The following ERH variants were observed in gnomAD, a reference collection of about 807,000 sequenced individuals.
ERH encodes the protein enhancer of rudimentary homolog.
In ERH, 1 loss-of-function variant was observed where a neutral mutation model predicts 16.8. The ratio of observed to expected loss-of-function variants is 0.06; its 90% CI spans 0.02 to 0.28. The LOEUF (loss-of-function observed/expected upper bound fraction) is 0.28. ERH is among the 10% of genes least tolerant of loss of function. The probability of loss-of-function intolerance (pLI) is 1.00; values close to 1 mark genes in which losing one functional copy is unlikely to be tolerated. For missense variants in ERH, 42 were observed against 127.5 expected (o/e 0.33, Z 3.23); for synonymous variants, 43 against 43.6 (o/e 0.99, Z 0.05).
intron 2 of ERH, among the ~76,000 whole-genome samples, chr14:69,389,705 C>T (rs2045913659): frequency 6.6e-6 from 1 of 152,104 alleles, no homozygotes; most frequent in South Asian, 2.1e-4. Flanking sequence ...GAATAAAATT[C>T]TTAGAAATAA....
chr14:69,390,174 T>C (rs1050821386), intron 2 of ERH, among the ~76,000 whole-genome samples: 2 of 152,088 alleles, frequency 1.3e-5, no homozygotes, highest in African/African-American at 2.4e-5. Flanking sequence ...GCAATTCCCA[T>C]AAAAATCCAA....
chr14:69,388,886 C>G (rs2045907910), intron 2 of ERH, among the ~76,000 whole-genome samples: 1 of 152,134 alleles, frequency 6.6e-6, no homozygotes, highest in Admixed American at 6.5e-5. Flanking sequence ...TATTAAACAA[C>G]TATCTTAGGG....
At position 69,387,495 on chromosome 14, in the gene ERH, G is replaced by C. The variant is rs190999824; in HGVS notation, c.92-412C>G. Among the ~76,000 whole-genome samples, 449 of 152,264 alleles carry C rather than the reference G, an allele frequency of 2.9e-3. 10 individuals carry two copies. Among genetic ancestry groups the C allele is most frequent in the Admixed American group, 0.025 (376 of 15,296 alleles). Reference sequence around the variant, plus strand: ...GAATCACTTGGCTGCAGTGAGCCGTGATTGCATCACTGCACTCCAGTCTGG... The same window carrying C: ...GAATCACTTGGCTGCAGTGAGCCGTCATTGCATCACTGCACTCCAGTCTGG... On this transcript the variant is annotated intron_variant, in intron 2 of 3. Transcript: ENST00000557016.
intron 1 of ERH, chr14:69,397,915 A>C (rs921346190): frequency 2.1e-5 from 11 of 519,824 alleles, no homozygotes; most frequent in Admixed American, 1.7e-4. Flanking sequence ...GAGACTCTCT[A>C]TCTCAAAAAA....
At chr14:69,395,066 T>G in intron 1 of ERH, 154 bp from the exon 2 acceptor site, 1 of 618,046 alleles carries the variant, frequency 1.6e-6, no homozygotes, top group Non-Finnish European at 2.8e-6. Context: ...ATAATCCTCA[T>G]CCTCTGGGAG....
intron 2 of ERH, among the ~76,000 whole-genome samples, chr14:69,389,077 T>C (rs185761205): frequency 1.3e-5 from 2 of 151,916 alleles, no homozygotes; most frequent in Admixed American, 6.6e-5. Flanking sequence ...CTGGAGTGCA[T>C]TGGCACAATC....
Position 69,380,521 on chromosome 14 carries a change from C to CCCTG in ERH, c.*16_*17insCAGG. On this transcript the variant is annotated 3_prime_UTR_variant, in exon 4 of 4. Transcript: ENST00000557016. ...TGTTCCAAGCCCACCCCAACCCCCC[C>CCCTG]AGTGCTTCCAACACAATTATTTCCC... 2 of 1,367,722 alleles carry CCCTG rather than the reference C, an allele frequency of 1.5e-6. No homozygotes were observed. The highest frequency in any genetic ancestry group is 2.1e-6 in the Non-Finnish European group (2 of 956,170). The allele number at this position is 1,367,722 out of a possible 1,614,324, so 84.7% of individuals were successfully genotyped here. A position where few individuals can be genotyped will look rare whatever the true frequency, so the allele number is the denominator to read the frequency against.
At chr14:69,382,708 G>A (rs559659978) in intron 3 of ERH, among the ~76,000 whole-genome samples, 22 of 150,870 alleles carry the variant, frequency 1.5e-4, no homozygotes, top group South Asian at 4.2e-4. Flanking sequence ...GCGTGGTGGC[G>A]CGCACCTGTA....
intron 1 of ERH, among the ~76,000 whole-genome samples, chr14:69,396,966 T>C (rs1462418039): frequency 1.3e-5 from 2 of 152,374 alleles, no homozygotes; most frequent in Admixed American, 1.3e-4. Context: ...GAGGTTGCCC[T>C]ATACACTAGC....
At chr14:69,389,836 A>G in intron 2 of ERH, among the ~76,000 whole-genome samples, 1 of 152,074 alleles carries the variant, frequency 6.6e-6, no homozygotes, top group East Asian at 1.9e-4. Context: ...CAGTGGCCCA[A>G]TTGCAGCTCA....
intron 3 of ERH, among the ~76,000 whole-genome samples, chr14:69,386,412 C>T (rs1003323614): frequency 5.9e-5 from 9 of 152,144 alleles, no homozygotes; most frequent in Admixed American, 4.6e-4. Flanking sequence ...AATTTCTGTT[C>T]GCTAATGTAA....
At position 69,395,272 on chromosome 14, in the gene ERH, C is replaced by T. The variant is rs116833360; in HGVS notation, c.4-360G>A. Among the ~76,000 whole-genome samples the T allele has an allele frequency of 3.1e-3, 476 of 152,018 alleles. 4 individuals are homozygous for T. The highest frequency in any genetic ancestry group is 0.011 in the African/African-American group (462 of 41,450). On this transcript the variant is annotated intron_variant, in intron 1 of 3. Transcript: ENST00000557016. ...GTGTGCCATGATCACACCATTGCAT[C>T]GGAGAGTGAGGCCCTATCTCTTAAA...
At chr14:69,384,459 G>C (rs1566899436) in intron 3 of ERH, among the ~76,000 whole-genome samples, 1 of 152,164 alleles carries the variant, frequency 6.6e-6, no homozygotes, top group Non-Finnish European at 1.5e-5. Flanking sequence ...TGCCACTCCA[G>C]CTAGCTCTTA....
intron 1 of ERH, among the ~76,000 whole-genome samples, chr14:69,397,711 GA>G (rs1882388080): frequency 6.6e-6 from 1 of 152,164 alleles, no homozygotes; most frequent in East Asian, 1.9e-4. Flanking sequence ...TTGAGGTCAG[GA>G]GTTCGAGACC....
chr14:69,397,028 G>A (rs1200848567), intron 1 of ERH, among the ~76,000 whole-genome samples: 3 of 152,116 alleles, frequency 2.0e-5, no homozygotes, highest in Admixed American at 2.0e-4. Context: ...GCAAATTAAA[G>A]GACTAATTTG....
chr14:69,389,738 C>T (rs1368324886), intron 2 of ERH, among the ~76,000 whole-genome samples: 1 of 152,098 alleles, frequency 6.6e-6, no homozygotes, highest in Non-Finnish European at 1.5e-5. Context: ...TAGTACAAAA[C>T]GTGTACACCC....
chr14:69,386,433 G>GT (rs1466634573), intron 3 of ERH, among the ~76,000 whole-genome samples: 1 of 152,116 alleles, frequency 6.6e-6, no homozygotes, highest in African/African-American at 2.4e-5. Flanking sequence ...AAAAGATTAG[G>GT]TAAGTCTACA....
In ERH at chr14:69,398,278, G is replaced by T; in HGVS notation, c.-45C>A. On this transcript the variant is annotated 5_prime_UTR_variant, in exon 1 of 4. Coordinates refer to ENST00000557016, the MANE Select transcript of ERH (RefSeq NM_004450.3). Reference sequence around the variant, plus strand: ...TACAGCAGCTGCCGACACCGCCGCCGTTACACGAGCTTAACTACAACGCCG... The same window carrying T: ...TACAGCAGCTGCCGACACCGCCGCCTTTACACGAGCTTAACTACAACGCCG... The T allele has an allele frequency of 6.2e-7, 1 of 1,613,636 alleles. No homozygotes were observed. Among genetic ancestry groups the T allele is most frequent in the South Asian group, 1.1e-5 (1 of 91,010 alleles).
intron 2 of ERH, among the ~76,000 whole-genome samples, chr14:69,388,161 C>G (rs958878061): frequency 1.3e-5 from 2 of 152,172 alleles, no homozygotes; most frequent in African/African-American, 4.8e-5. Flanking sequence ...ACCTGTCAAA[C>G]AGAGTTAAGA....
Sources: gnomAD v4.1 joint callset for allele counts (sites outside exome capture counted in the v4.1 genomes callset) on GRCh38, gnomAD v4.1.1 for gene constraint, MANE v1.5 for transcripts, NCBI Gene and HGNC (gene_info 2026-07-23, HGNC 2026-07-21) for gene names.